The following ADAMTS13 variants were observed in gnomAD, a reference collection of about 807,000 sequenced individuals.
ADAMTS13 encodes A disintegrin and metalloproteinase with thrombospondin motifs 13.
In ADAMTS13, 110 loss-of-function variants were observed where a neutral mutation model predicts 155.1. The observed-to-expected ratio is 0.71, with a 90% CI of 0.61 to 0.83. ADAMTS13 has a LOEUF of 0.83. ADAMTS13 is among the 40% of genes least tolerant of loss of function. The pLI, the probability that ADAMTS13 is intolerant of heterozygous loss-of-function variation, is 0.00. For missense variants in ADAMTS13, 1,707 were observed against 1,891.7 expected (o/e 0.90, Z 1.81); for synonymous variants, 758 against 756.4 (o/e 1.00, Z -0.03).
rs985398084 is a variant in ADAMTS13 at position 133,441,306 on chromosome 9, G to A, written c.1968+781G>A. 3.3e-5 allele frequency among the ~76,000 whole-genome samples: 5 copies of A among 152,168 alleles called. No homozygotes were observed. The highest frequency in any genetic ancestry group is 3.3e-4 in the Admixed American group (5 of 15,280). ...ATCAGGCCAGGCCGGGCCAAAGCAA[G>A]CCCCTGTGAGCGGCTTATCCCTTCT... On this transcript the variant is annotated intron_variant, in intron 16 of 28. Coordinates refer to ENST00000355699, the MANE Select transcript of ADAMTS13 (RefSeq NM_139027.6). This position sits in a 1 kb window ranked among gnomAD's most constrained non-coding sequence, Gnocchi z 5.0.
rs1842837753 is a variant in ADAMTS13 at position 133,457,972 on chromosome 9, A to G, written c.3787A>G (p.Thr1263Ala). Residue 1263 changes from threonine (T) to alanine (A), a missense_variant, in exon 28 of 29, where the codon ACG becomes GCG. Thr to Ala is a moderately conservative substitution (Grantham distance 58, BLOSUM62 0). Transcript: ENST00000355699. Reference sequence around the variant, plus strand: ...CGTGAGCCCCTCGCTGAGTCCAGCCACGAGTAATGCAGGGGGCTGCCGGCT... The same window carrying G: ...CGTGAGCCCCTCGCTGAGTCCAGCCGCGAGTAATGCAGGGGGCTGCCGGCT... ...EIVSPSLSPATSNAGGCRLFI... is the reference protein window; with the variant it reads ...EIVSPSLSPAASNAGGCRLFI... 1 of 1,613,646 alleles carries G rather than the reference A, an allele frequency of 6.2e-7. No individual in the cohort carries two copies. Among genetic ancestry groups the G allele is most frequent in the Admixed American group, 1.7e-5 (1 of 60,010 alleles).
At chr9:133,451,971 G>A (rs900209814) in intron 23 of ADAMTS13, among the ~76,000 whole-genome samples, 1 of 148,724 alleles carries the variant, frequency 6.7e-6, no homozygotes, top group Non-Finnish European at 1.5e-5. Context: ...GGAGTATGTT[G>A]CAAAGTAGGG....
At position 133,428,678 on chromosome 9, in the gene ADAMTS13, C is replaced by G; in HGVS notation, c.731C>G (p.Pro244Arg). The G allele has an allele frequency of 5.1e-6, 7 of 1,364,536 alleles. No homozygotes were observed. Among genetic ancestry groups the G allele is most frequent in the Non-Finnish European group, 6.6e-6 (7 of 1,055,330 alleles). 84.5% of individuals were successfully genotyped at this position (1,364,536 alleles called of 1,614,324 possible). ...GGCGCGCCCGGCAGCGGCTGCGGCC[C>G]CAGCGGACACGTGATGGCTTCGGAC... ...HDGAPGSGCG[P>R]SGHVMASDGA... Residue 244 changes from proline (P) to arginine (R), a missense_variant, in exon 7 of 29, where the codon CCC (proline) becomes CGC (arginine). By Grantham distance (103) the Pro-to-Arg change is moderately radical (BLOSUM62 -2). Coordinates refer to ENST00000355699, the MANE Select transcript of ADAMTS13 (RefSeq NM_139027.6).
At position 133,422,506 on chromosome 9, in the gene ADAMTS13, T is replaced by C; in HGVS notation, c.63T>C (p.Cys21=). 6.2e-7 allele frequency: 1 copy of C among 1,614,142 alleles called. No homozygotes were observed. Among genetic ancestry groups the C allele is most frequent in the Non-Finnish European group, 8.5e-7 (1 of 1,180,026 alleles). Residue 21 remains cysteine, a synonymous_variant, in exon 1 of 29, where the codon TGT becomes TGC. Coordinates refer to ENST00000355699, the MANE Select transcript of ADAMTS13 (RefSeq NM_139027.6). ...TCTGTGTGGCCGGAATCCTTGCCTG[T>C]GGCTTTCTCCTGGGCTGCTGGGGAC... ...PPLCVAGILA[C]GFLLGCWGPS... is the part of the protein sequence containing the mutation.
At chr9:133,458,172 C>T (rs1564447939) in intron 28 of ADAMTS13, 78 bp downstream of exon 28, 4 of 1,507,418 alleles carry the variant, frequency 2.7e-6, no homozygotes, top group Non-Finnish European at 3.6e-6. Context: ...GGACCCCCTT[C>T]AGTTTATTTC....
intron 9 of ADAMTS13, among the ~76,000 whole-genome samples, chr9:133,432,986 G>T (rs1840882661): frequency 6.6e-6 from 1 of 151,062 alleles, no homozygotes; most frequent in Non-Finnish European, 1.5e-5. Flanking sequence ...TGTCTCGGGG[G>T]GGATCCCTGT....
intron 1 of ADAMTS13, chr9:133,414,651 T>C (rs199854018): frequency 1.9e-6 from 3 of 1,611,924 alleles, no homozygotes; most frequent in Admixed American, 3.3e-5. Flanking sequence ...AGTGGTGAGG[T>C]GGCCCATACT....
rs782644473 is a variant in ADAMTS13, at chr9:133,425,641, C to A, written c.414+29C>A. 3 of 1,607,658 alleles carry A rather than the reference C, an allele frequency of 1.9e-6. No individual in the cohort carries two copies. The Admixed American group carries it at 5.0e-5, about 27-fold the overall frequency. On this transcript the variant is annotated intron_variant, in intron 4 of 28. Transcript: ENST00000355699. The surrounding 1 kb of genome is among the most constrained non-coding windows in gnomAD (Gnocchi z 4.6). ...GGCATGGAGCTGGAACTCAGCACAC[C>A]ATACAGAGCGGGAAGCCCAAGTCAT...
intron 11 of ADAMTS13, among the ~76,000 whole-genome samples, chr9:133,434,638 T>C (rs782054249): frequency 6.6e-6 from 1 of 152,226 alleles, no homozygotes; most frequent in Non-Finnish European, 1.5e-5. Flanking sequence ...GTGACATTCA[T>C]GTAGCATGAA....
upstream of ADAMTS13, chr9:133,417,474 GC>G: frequency 1.2e-6 from 1 of 806,832 alleles, no homozygotes; most frequent in South Asian, 1.7e-5. Flanking sequence ...CCCTCAACAG[GC>G]CACCTTTCTT....
chr9:133,456,890 G>A lies in ADAMTS13; in HGVS notation c.3724+171G>A. ...CCAGTGTCAGTCTGCACGTGCCAGG[G>A]AGGGGTCACAGGATGAATGCTATAT... On this transcript the variant is annotated intron_variant, in intron 27 of 28. Coordinates refer to ENST00000355699, the MANE Select transcript of ADAMTS13 (RefSeq NM_139027.6). This position sits in a 1 kb window ranked among gnomAD's most constrained non-coding sequence, Gnocchi z 4.4. 1.2e-6 allele frequency: 1 copy of A among 838,496 alleles called. No homozygotes were observed. The allele number at this position is 838,496 out of a possible 1,614,324, so 51.9% of individuals were successfully genotyped here. A position where few individuals can be genotyped will look rare whatever the true frequency, so the allele number is the denominator to read the frequency against.
upstream of ADAMTS13, among the ~76,000 whole-genome samples, chr9:133,421,241 G>A (rs1839941957): frequency 6.6e-6 from 1 of 152,190 alleles, no homozygotes; most frequent in African/African-American, 2.4e-5. Context: ...ACTCCAGCCT[G>A]GGTGACACAG....
chr9:133,458,015 C>T lies in ADAMTS13; in HGVS notation c.3830C>T (p.Pro1277Leu), dbSNP rs782554524. 5.0e-6 allele frequency: 8 copies of T among 1,613,382 alleles called. No homozygotes were observed. Among genetic ancestry groups the T allele is most frequent in the Admixed American group, 1.7e-5 (1 of 60,006 alleles). ...TGCCGGCTCTTCATTAATGTGGCTC[C>T]GCACGCACGGATTGCCATCCATGCC... is the stretch of plus-strand genomic sequence containing the variant. Reference protein sequence around the residue: ...GGCRLFINVAPHARIAIHALA... With the variant: ...GGCRLFINVALHARIAIHALA... Residue 1277 changes from proline to leucine, a missense_variant, in exon 28 of 29, where the codon CCG becomes CTG. Physicochemically the swap from Pro to Leu is moderately conservative, Grantham distance 98 (BLOSUM62 -3). Transcript: ENST00000355699.
chr9:133,424,337 T>C lies in ADAMTS13; in HGVS notation c.189T>C (p.Pro63=), dbSNP rs1415996586. 2.5e-6 allele frequency: 4 copies of C among 1,613,018 alleles called. No individual in the cohort carries two copies. Among genetic ancestry groups the C allele is most frequent in the African/African-American group, 1.3e-5 (1 of 75,002 alleles). Residue 63 remains proline, a synonymous_variant, in exon 3 of 29, where the codon CCT becomes CCC. Coordinates refer to ENST00000355699, the MANE Select transcript of ADAMTS13 (RefSeq NM_139027.6). This position sits in a 1 kb window ranked among gnomAD's most constrained non-coding sequence, Gnocchi z 4.3. ...CCCCTCCAGGCCGCCCTCCTTCCCC[T>C]GGCTTCCAGAGGCAGAGGCAGAGGC... is the stretch of plus-strand genomic sequence containing the variant. ...GAPLKGRPPS[P]GFQRQRQRQR...
chr9:133,429,832 A>C, intron 7 of ADAMTS13, 107 bp from the exon 8 acceptor site: 1 of 1,440,464 alleles, frequency 6.9e-7, no homozygotes, highest in Non-Finnish European at 9.4e-7. Flanking sequence ...CCACTCACAA[A>C]AGGCCACGCT....
chr9:133,451,894 CAAA>C (rs34716768), intron 23 of ADAMTS13, among the ~76,000 whole-genome samples: 23 of 79,510 alleles, frequency 2.9e-4, no homozygotes, highest in African/African-American at 8.2e-4. Context: ...GACCCTGTCT[CAAA>C]AAAAAAAAAA....
At chr9:133,416,331 G>A (rs1554781554) in intron 1 of ADAMTS13, among the ~76,000 whole-genome samples, 1 of 152,142 alleles carries the variant, frequency 6.6e-6, no homozygotes, top group Non-Finnish European at 1.5e-5. Context: ...TACCTCCTAT[G>A]GGCCCCATCT....
Position 133,456,455 on chromosome 9 carries a change from C to A in ADAMTS13, c.3548-88C>A. ...ATAGCCAGCAGTGGGAGAGGTGGGACTTGAACTCGGCTCAGTCTACCCTGG... is the reference window on the plus strand; with the variant it reads ...ATAGCCAGCAGTGGGAGAGGTGGGAATTGAACTCGGCTCAGTCTACCCTGG... On this transcript the variant is annotated intron_variant, in intron 26 of 28. Transcript: ENST00000355699. The surrounding 1 kb of genome is among the most constrained non-coding windows in gnomAD (Gnocchi z 4.4). 6.5e-7 allele frequency: 1 copy of A among 1,529,452 alleles called. No individual in the cohort carries two copies. Among genetic ancestry groups the A allele is most frequent in the South Asian group, 1.2e-5 (1 of 84,702 alleles). 94.7% of individuals were successfully genotyped at this position (1,529,452 alleles called of 1,614,324 possible). A position where few individuals can be genotyped will look rare whatever the true frequency, so the allele number is the denominator to read the frequency against.
At chr9:133,438,704 G>A (rs897403952) in intron 14 of ADAMTS13, among the ~76,000 whole-genome samples, 4 of 151,972 alleles carry the variant, frequency 2.6e-5, no homozygotes, top group South Asian at 2.1e-4. Context: ...ACCTGTAGTC[G>A]GGAGATCACC....
Sources: gnomAD v4.1 joint callset for allele counts (sites outside exome capture counted in the v4.1 genomes callset) on GRCh38, gnomAD v4.1.1 for gene constraint, Gnocchi (gnomAD v3.1) non-coding constraint, MANE v1.5 for transcripts, NCBI Gene and HGNC (gene_info 2026-07-23, HGNC 2026-07-21) for gene names.